TNPO1: variants seen among roughly 807,000 people sequenced by gnomAD.
The protein encoded by TNPO1 is transportin 1.
Under a neutral mutation model 119.5 loss-of-function variants are expected in TNPO1, and 8 were observed. The observed-to-expected ratio is 0.07, with a 90% confidence interval of 0.04 to 0.12. The LOEUF is 0.12. TNPO1 is among the 10% of genes least tolerant of loss of function. The probability of loss-of-function intolerance (pLI) is 1.00; values close to 1 mark genes in which losing one functional copy is unlikely to be tolerated. For missense variants in TNPO1, 576 were observed against 1,089.8 expected (o/e 0.53, Z 6.64); for synonymous variants, 362 against 363.0 (o/e 1.00, Z 0.03).
At chr5:72,859,220 G>A (rs542252752) in intron 4 of TNPO1, among the ~76,000 whole-genome samples, 2 of 152,084 alleles carry the variant, frequency 1.3e-5, no homozygotes, top group African/African-American at 4.8e-5. Context: ...TCCAACCTCA[G>A]CACTTGACAT....
chr5:72,904,265 C>T (rs1225200992), intron 23 of TNPO1, among the ~76,000 whole-genome samples: 1 of 152,148 alleles, frequency 6.6e-6, no homozygotes, highest in Admixed American at 6.5e-5. Flanking sequence ...TATAGTTTGT[C>T]GTGAACTCAA....
intron 1 of TNPO1, among the ~76,000 whole-genome samples, chr5:72,823,132 G>T (rs370202348): frequency 2.6e-5 from 4 of 152,148 alleles, no homozygotes; most frequent in East Asian, 1.9e-4. Flanking sequence ...CCACTGTGCA[G>T]TTGTGGCTGT....
At chr5:72,881,299 C>A (rs762479438) in intron 9 of TNPO1, among the ~76,000 whole-genome samples, 2 of 152,014 alleles carry the variant, frequency 1.3e-5, no homozygotes, top group Non-Finnish European at 2.9e-5. Flanking sequence ...TTAGTAGAGA[C>A]TGGATTTCAC....
In TNPO1 at chr5:72,912,523, T is replaced by G. The variant is rs1750633670; in HGVS notation, c.*3850T>G. 1 of 152,518 alleles carries G rather than the reference T, an allele frequency of 6.6e-6. No homozygotes were observed. The highest frequency in any genetic ancestry group is 2.1e-4 in the South Asian group (1 of 4,836). The allele number at this position is 152,518 out of a possible 1,614,324, so 9.4% of individuals were successfully genotyped here. On this transcript the variant is annotated 3_prime_UTR_variant, in exon 25 of 25. Coordinates refer to ENST00000337273, the MANE Select transcript of TNPO1 (RefSeq NM_002270.4). ...ATAAAGGGTCATCCTAGTTACATTC[T>G]TTGTTTTTTAAGTGTATTTCATTGA...
intron 20 of TNPO1, 37 bp from the exon 21 acceptor site, chr5:72,899,969 C>T (rs1749695779): frequency 6.3e-7 from 1 of 1,575,450 alleles, no homozygotes; most frequent in Non-Finnish European, 8.7e-7. Flanking sequence ...TCTTGGTTGG[C>T]GTTTGGTGGT....
chr5:72,883,142 G>T lies in TNPO1; in HGVS notation c.1060G>T (p.Ala354Ser). The change falls in exon 11 of 25, where the codon GCT (alanine) becomes TCT (serine). Residue 354 changes from alanine to serine, a missense_variant. By Grantham distance (99) the Ala-to-Ser change is moderately conservative (BLOSUM62 1). Coordinates refer to ENST00000337273, the MANE Select transcript of TNPO1 (RefSeq NM_002270.4). ...ACGTTTTCACCGATCGAGGACGGTG[G>T]CTCAGCAGCATGATGAAGATGGAAT... ...RPRFHRSRTV[A>S]QQHDEDGIEE... 6.2e-7 allele frequency: 1 copy of T among 1,613,928 alleles called. No individual in the cohort carries two copies. Among genetic ancestry groups the T allele is most frequent in the Non-Finnish European group, 8.5e-7 (1 of 1,179,840 alleles).
chr5:72,851,732 G>A (rs1198437057), intron 3 of TNPO1, among the ~76,000 whole-genome samples: 1 of 152,180 alleles, frequency 6.6e-6, no homozygotes, highest in African/African-American at 2.4e-5. Flanking sequence ...GGCCTCTGGG[G>A]ATTCGCCTGC....
At chr5:72,872,344 T>C (rs1002456144) in intron 6 of TNPO1, among the ~76,000 whole-genome samples, 1 of 151,822 alleles carries the variant, frequency 6.6e-6, no homozygotes, top group Non-Finnish European at 1.5e-5. Flanking sequence ...AAAAAAAAAA[T>C]TTTGCCCCTC....
At chr5:72,882,968 A>G (rs1473398853) in intron 10 of TNPO1, 96 bp from the exon 11 acceptor site, 1 of 871,264 alleles carries the variant, frequency 1.1e-6, no homozygotes, top group Non-Finnish European at 1.9e-6. Context: ...AATTCTGTGC[A>G]TGACCCCATC....
chr5:72,852,727 C>T (rs1358523738), intron 3 of TNPO1, among the ~76,000 whole-genome samples: 1 of 152,072 alleles, frequency 6.6e-6, no homozygotes, highest in Non-Finnish European at 1.5e-5. Flanking sequence ...AATTCTTGCA[C>T]GGTGATTTCT....
intron 1 of TNPO1, among the ~76,000 whole-genome samples, chr5:72,843,167 G>A (rs988979441): frequency 1.3e-5 from 2 of 152,172 alleles, no homozygotes; most frequent in Admixed American, 6.5e-5. Flanking sequence ...TGTATGACTT[G>A]TAAATGTCTT....
At chr5:72,837,591 A>G (rs570441910) in intron 1 of TNPO1, among the ~76,000 whole-genome samples, 1 of 152,208 alleles carries the variant, frequency 6.6e-6, no homozygotes, top group Non-Finnish European at 1.5e-5. Context: ...GACAAGTTAA[A>G]CAGTCCATTT....
Position 72,909,523 on chromosome 5 carries a change from A to C in TNPO1, c.*850A>C, listed in dbSNP as rs1319278992. The C allele has an allele frequency of 6.6e-6, 1 of 152,204 alleles. No homozygotes were observed. Among genetic ancestry groups the C allele is most frequent in the Non-Finnish European group, 1.5e-5 (1 of 68,028 alleles). The allele number at this position is 152,204 out of a possible 1,614,324, so 9.4% of individuals were successfully genotyped here. On this transcript the variant is annotated 3_prime_UTR_variant, in exon 25 of 25. Transcript: ENST00000337273. ...TTTCTAGGCCAAGATGTTACTTTTT[A>C]AAGTGCAGTTTAAGGTTCAGGCATG... is the stretch of plus-strand genomic sequence containing the variant.
At chr5:72,836,917 C>T (rs1744714079) in intron 1 of TNPO1, among the ~76,000 whole-genome samples, 1 of 152,186 alleles carries the variant, frequency 6.6e-6, no homozygotes, top group Non-Finnish European at 1.5e-5. Context: ...ACATATTCCT[C>T]GTTTCTGTCT....
At chr5:72,897,302 G>A (rs1488716273) in intron 20 of TNPO1, 151 bp downstream of exon 20, 5 of 582,498 alleles carry the variant, frequency 8.6e-6, no homozygotes, top group South Asian at 2.4e-5. Context: ...GAAATAGACT[G>A]TTGCAGCTAC....
chr5:72,904,483 TATTCACGCTGCTG>T (rs1378119106), intron 23 of TNPO1, among the ~76,000 whole-genome samples: 1 of 152,146 alleles, frequency 6.6e-6, no homozygotes, highest in Non-Finnish European at 1.5e-5. Context: ...TATTAGTCCA[TATTCACGCTGCTG>T]ATAAAGATAT....
Position 72,912,000 on chromosome 5 carries a change from A to G in TNPO1, c.*3327A>G, listed in dbSNP as rs763162284. ...CATTAGCGAGTGAACTTAGTGCCACAGGTATTCATTTATTCAGGAAAGAAT... is the reference window on the plus strand; with the variant it reads ...CATTAGCGAGTGAACTTAGTGCCACGGGTATTCATTTATTCAGGAAAGAAT... On this transcript the variant is annotated 3_prime_UTR_variant, in exon 25 of 25. Coordinates refer to ENST00000337273, the MANE Select transcript of TNPO1 (RefSeq NM_002270.4). The G allele has an allele frequency of 1.7e-4, 26 of 152,518 alleles. 1 individual carries two copies. Among genetic ancestry groups the G allele is most frequent in the African/African-American group, 4.8e-5 (2 of 41,454 alleles). 9.4% of individuals were successfully genotyped at this position (152,518 alleles called of 1,614,324 possible). A position where few individuals can be genotyped will look rare whatever the true frequency, so the allele number is the denominator to read the frequency against.
chr5:72,855,818 G>A lies in TNPO1; in HGVS notation c.250G>A (p.Val84Met), dbSNP rs1745953829. The A allele has an allele frequency of 1.2e-6, 2 of 1,611,596 alleles. No individual in the cohort carries two copies. The highest frequency in any genetic ancestry group is 1.7e-5 in the Admixed American group (1 of 59,944). Residue 84 changes from valine to methionine, a missense_variant, in exon 4 of 25, where the codon GTG (valine) becomes ATG (methionine). By Grantham distance (21) the Val-to-Met change is conservative. Around this residue, in one of 6 missense-constraint regions of TNPO1, gnomAD observed 310 missense variants for 583.0 expected, o/e 0.53. Coordinates refer to ENST00000337273, the MANE Select transcript of TNPO1 (RefSeq NM_002270.4). ...GAGTGGTCTTATCTTGAAGAATAAT[G>A]TGAAAGCACACTTTCAGAACTTCCC... ...SLSGLILKNN[V>M]KAHFQNFPNG...
At chr5:72,818,369 T>C (rs1471155662) in intron 1 of TNPO1, among the ~76,000 whole-genome samples, 2 of 152,274 alleles carry the variant, frequency 1.3e-5, no homozygotes, top group East Asian at 3.8e-4. Flanking sequence ...ACATTTCTTA[T>C]TGTATTCATT....
Sources: allele counts gnomAD v4.1 joint callset (sites outside exome capture counted in the v4.1 genomes callset), GRCh38; gene constraint gnomAD v4.1.1; regional missense constraint gnomAD v4.1.1; transcripts MANE v1.5; gene names NCBI Gene and HGNC (gene_info 2026-07-23, HGNC 2026-07-21).